Variants in ASCC3 observed in about 807,000 individuals in gnomAD.
ASCC3 encodes the protein ASC-1 complex subunit P200.
A neutral mutation model predicts 256.3 loss-of-function variants in ASCC3; 158 were observed. The ratio of observed to expected loss-of-function variants is 0.62; its 90% confidence interval spans 0.54 to 0.70. The LOEUF (loss-of-function observed/expected upper bound fraction) is 0.70. Ranked by LOEUF, ASCC3 falls within the 30% of genes least tolerant of loss-of-function variation. ASCC3 has a pLI of 0.00. For missense variants in ASCC3, 2,259 were observed against 2,626.0 expected (o/e 0.86, Z 3.05); for synonymous variants, 948 against 883.4 (o/e 1.07, Z -1.30).
intron 16 of ASCC3, among the ~76,000 whole-genome samples, chr6:100,658,938 A>C (rs1355772222): frequency 1.3e-5 from 2 of 151,514 alleles, no homozygotes; most frequent in East Asian, 1.9e-4. Context: ...AATAAATTTT[A>C]ATAAGCCTCA....
At position 100,516,186 on chromosome 6, in the gene ASCC3, C is replaced by T. The variant is rs765094436; in HGVS notation, c.6069G>A (p.Thr2023=). The change falls in exon 39 of 42, where the codon ACG becomes ACA. Residue 2023 remains threonine (T), a synonymous_variant. Coordinates refer to ENST00000369162, the MANE Select transcript of ASCC3 (RefSeq NM_006828.4). ...ACTTAAGAGATGGTCTTACCTGTTT[C>T]GTTTTTGCAGCATGTAGCTCACTTT... The part of the protein sequence containing the change: ...MVESELHAAK[T]KQAWNFLSHL... 5.0e-6 allele frequency: 8 copies of T among 1,613,472 alleles called. No individual in the cohort carries two copies. The highest frequency in any genetic ancestry group is 2.2e-5 in the East Asian group (1 of 44,856).
At chr6:100,765,927 A>T (rs1781636069) in intron 10 of ASCC3, among the ~76,000 whole-genome samples, 1 of 152,130 alleles carries the variant, frequency 6.6e-6, no homozygotes, top group Non-Finnish European at 1.5e-5. Flanking sequence ...GTCATCCACT[A>T]TTTTATTTTT....
At chr6:100,595,155 G>T (rs772133923) in intron 34 of ASCC3, among the ~76,000 whole-genome samples, 2 of 152,170 alleles carry the variant, frequency 1.3e-5, no homozygotes, top group African/African-American at 4.8e-5. Flanking sequence ...GGTAACTATC[G>T]TTAATAATAA....
intron 38 of ASCC3, 122 bp downstream of exon 38, chr6:100,517,869 G>C: frequency 9.1e-7 from 1 of 1,102,452 alleles, no homozygotes; most frequent in Admixed American, 2.1e-5. Flanking sequence ...CTGGGAAACA[G>C]GAGTATTTTC....
chr6:100,750,038 A>G (rs1780864731), intron 10 of ASCC3, among the ~76,000 whole-genome samples: 1 of 151,932 alleles, frequency 6.6e-6, no homozygotes, highest in South Asian at 2.1e-4. Context: ...TTGCGGTTCT[A>G]TTGCAGTGTT....
intron 30 of ASCC3, among the ~76,000 whole-genome samples, chr6:100,610,602 T>C (rs1038268761): frequency 1.3e-5 from 2 of 152,168 alleles, no homozygotes; most frequent in African/African-American, 4.8e-5. Context: ...TTATCAACTT[T>C]CACTGAACTG....
At chr6:100,709,477 G>T (rs967703844) in intron 13 of ASCC3, among the ~76,000 whole-genome samples, 1 of 152,124 alleles carries the variant, frequency 6.6e-6, no homozygotes, top group Non-Finnish European at 1.5e-5. Flanking sequence ...ACCTTGGGAA[G>T]CTGCTTAACA....
intron 20 of ASCC3, among the ~76,000 whole-genome samples, chr6:100,649,095 A>G (rs1775532852): frequency 6.6e-6 from 1 of 151,806 alleles, no homozygotes; most frequent in Non-Finnish European, 1.5e-5. Context: ...AATTTATCTG[A>G]TGCATTCAGG....
At chr6:100,520,216 C>A (rs1192335350) in intron 37 of ASCC3, among the ~76,000 whole-genome samples, 1 of 152,082 alleles carries the variant, frequency 6.6e-6, no homozygotes, top group Non-Finnish European at 1.5e-5. Flanking sequence ...GTGATCATAT[C>A]ATTCCTCTGC....
intron 36 of ASCC3, among the ~76,000 whole-genome samples, chr6:100,566,497 T>C (rs538410079): frequency 6.6e-6 from 1 of 152,258 alleles, no homozygotes; most frequent in South Asian, 2.1e-4. Context: ...TGATCTTGCT[T>C]CTTAGTTTAT....
At chr6:100,695,140 C>T (rs1045041034) in intron 13 of ASCC3, among the ~76,000 whole-genome samples, 1 of 152,066 alleles carries the variant, frequency 6.6e-6, no homozygotes, top group Admixed American at 6.6e-5. Context: ...AAACTTTAGA[C>T]AAACTCAAAT....
chr6:100,809,547 T>C (rs769246461), intron 4 of ASCC3, among the ~76,000 whole-genome samples: 1 of 152,088 alleles, frequency 6.6e-6, no homozygotes. Flanking sequence ...ATGCAGCACA[T>C]GACTGTACTT....
chr6:100,858,820 G>T, intron 3 of ASCC3: 1 of 644,964 alleles, frequency 1.6e-6, no homozygotes, highest in Non-Finnish European at 2.2e-6. Context: ...ATGATGTCCA[G>T]CCCATATTCA....
At chr6:100,771,661 C>A (rs1025703772) in intron 8 of ASCC3, among the ~76,000 whole-genome samples, 1 of 151,886 alleles carries the variant, frequency 6.6e-6, no homozygotes, top group Admixed American at 6.6e-5. Context: ...AATAAAAATG[C>A]TCAACATCAT....
In ASCC3 at chr6:100,701,777, G is replaced by C. The variant is rs375179068; in HGVS notation, c.2151+13685C>G. ...ACAGTCAGGGATGTTTAAAAAAAAG[G>C]GTTTCTCTGAGAAAGATGAAGTCTG... On this transcript the variant is annotated intron_variant, in intron 13 of 41. Transcript: ENST00000369162. Among the ~76,000 whole-genome samples the C allele has an allele frequency of 1.5e-4, 23 of 152,178 alleles. No homozygotes were observed. The South Asian group carries it at 4.8e-3, about 32-fold the overall frequency.
intron 13 of ASCC3, among the ~76,000 whole-genome samples, chr6:100,681,725 C>CAAAAAAAAAAAA (rs10696130): frequency 3.4e-5 from 2 of 58,684 alleles, no homozygotes; most frequent in Non-Finnish European, 5.8e-5. Flanking sequence ...GACTCCGTCT[C>CAAAAAAAAAAAA]AAAAAAAAAA....
chr6:100,756,393 G>C (rs1226961254), intron 10 of ASCC3, among the ~76,000 whole-genome samples: 1 of 151,970 alleles, frequency 6.6e-6, no homozygotes, highest in Admixed American at 6.6e-5. Flanking sequence ...GTAAAAGCTT[G>C]CAAGTGCGAG....
At chr6:100,688,332 C>T (rs1235754257) in intron 13 of ASCC3, among the ~76,000 whole-genome samples, 1 of 150,686 alleles carries the variant, frequency 6.6e-6, no homozygotes, top group Non-Finnish European at 1.5e-5. Flanking sequence ...AGCAAGAAAG[C>T]ATTTAGATAT....
chr6:100,791,661 T>C (rs888271538), intron 8 of ASCC3, among the ~76,000 whole-genome samples: 1 of 151,990 alleles, frequency 6.6e-6, no homozygotes, highest in African/African-American at 2.4e-5. Flanking sequence ...ACACATCCTA[T>C]CACAGACAGC....
Sources: gnomAD v4.1 joint callset for allele counts (sites outside exome capture counted in the v4.1 genomes callset) on GRCh38, gnomAD v4.1.1 for gene constraint, MANE v1.5 for transcripts, NCBI Gene and HGNC (gene_info 2026-07-23, HGNC 2026-07-21) for gene names.